ABTB2: variants seen among roughly 807,000 people sequenced by gnomAD.
ABTB2 encodes ankyrin repeat and BTB domain containing 2.
A neutral mutation model predicts 104.1 loss-of-function variants in ABTB2; 56 were observed. The ratio of observed to expected loss-of-function variants is 0.54; its 90% CI spans 0.43 to 0.67. ABTB2 has a LOEUF of 0.67. ABTB2 is among the 30% of genes least tolerant of loss of function. The pLI is 0.00. For synonymous variants in ABTB2, 606 were observed against 608.2 expected, an observed-to-expected ratio of 1.00 and a Z score of 0.05; for missense variants, 1,279 against 1,407.7, an observed-to-expected ratio of 0.91 and a Z score of 1.46.
chr11:34,279,757 A>T (rs11032595), intron 1 of ABTB2, among the ~76,000 whole-genome samples: 1 of 150,098 alleles, frequency 6.7e-6, no homozygotes, highest in East Asian at 1.9e-4. Context: ...GCCAGTGACT[A>T]TTCTAAATGC....
At chr11:34,233,758 T>A (rs1853805764) in intron 1 of ABTB2, among the ~76,000 whole-genome samples, 1 of 152,082 alleles carries the variant, frequency 6.6e-6, no homozygotes, top group Non-Finnish European at 1.5e-5. Context: ...TAACTATTAT[T>A]AATATATTAT....
chr11:34,204,402 G>T, intron 2 of ABTB2, 142 bp downstream of exon 2: 1 of 1,022,792 alleles, frequency 9.8e-7, no homozygotes, highest in Non-Finnish European at 1.4e-6. Flanking sequence ...GAAAGATCTA[G>T]CTTTCAGGGA....
At position 34,160,923 on chromosome 11, in the gene ABTB2, C is replaced by T. The variant is rs756849874; in HGVS notation, c.2377G>A (p.Asp793Asn). 1.1e-5 allele frequency: 18 copies of T among 1,609,806 alleles called. No individual in the cohort carries two copies. Among genetic ancestry groups the T allele is most frequent in the Non-Finnish European group, 1.2e-5 (14 of 1,177,876 alleles). The change falls in exon 11 of 17, where the codon GAC (aspartate) becomes AAC (asparagine). Residue 793 changes from aspartate (D) to asparagine (N), a missense_variant. Asp to Asn is a conservative substitution (Grantham distance 23). Coordinates refer to ENST00000435224, the MANE Select transcript of ABTB2 (RefSeq NM_145804.3). ...CTTACTTTGCTGGTCTTGAGGATGT[C>T]GAACATGAGCTGCAAGCCCTCGGTC... ...LVTEGLQLMFDILKTSKNDSV... is the reference protein window; with the variant it reads ...LVTEGLQLMFNILKTSKNDSV...
At chr11:34,231,463 G>A (rs932102753) in intron 1 of ABTB2, among the ~76,000 whole-genome samples, 10 of 152,188 alleles carry the variant, frequency 6.6e-5, no homozygotes, top group Admixed American at 2.0e-4. Context: ...CCTGAGGGGC[G>A]GGAGTGGGGA....
intron 1 of ABTB2, among the ~76,000 whole-genome samples, chr11:34,320,827 T>A (rs1854992571): frequency 6.6e-6 from 1 of 152,238 alleles, no homozygotes; most frequent in Admixed American, 6.5e-5. Context: ...ATACCATTTG[T>A]ATCTGTCTTT....
intron 1 of ABTB2, chr11:34,335,517 G>T: frequency 9.4e-7 from 1 of 1,064,986 alleles, no homozygotes; most frequent in Non-Finnish European, 1.4e-6. Context: ...TGGAAACAGT[G>T]ATTCAAAATC....
chr11:34,272,650 T>G (rs1164676780), intron 1 of ABTB2, among the ~76,000 whole-genome samples: 2 of 130,410 alleles, frequency 1.5e-5, no homozygotes, highest in Non-Finnish European at 3.0e-5. Context: ...GAGCTTGCAG[T>G]GAGCCAAGAC....
chr11:34,168,121 C>A, intron 5 of ABTB2, 129 bp from the exon 6 acceptor site: 1 of 925,296 alleles, frequency 1.1e-6, no homozygotes. Flanking sequence ...TGTGGTCCCC[C>A]AGGCTCTGTG....
At chr11:34,231,912 T>C (rs1853774624) in intron 1 of ABTB2, among the ~76,000 whole-genome samples, 1 of 152,198 alleles carries the variant, frequency 6.6e-6, no homozygotes, top group African/African-American at 2.4e-5. Flanking sequence ...AAATATCTGA[T>C]CAGCTCTCCT....
chr11:34,312,164 AAAAG>A (rs1854864131), intron 1 of ABTB2, among the ~76,000 whole-genome samples: 1 of 152,012 alleles, frequency 6.6e-6, no homozygotes, highest in African/African-American at 2.4e-5. Context: ...AAGAAAAAGA[AAAAG>A]AAAAAGAGAA....
intron 16 of ABTB2, among the ~76,000 whole-genome samples, chr11:34,153,034 C>G (rs1187413269): frequency 1.3e-5 from 2 of 152,020 alleles, no homozygotes; most frequent in Non-Finnish European, 2.9e-5. Context: ...TTGGGAGAGA[C>G]AGACAGAATC....
At chr11:34,157,766 T>TC (rs1852650319) in intron 14 of ABTB2, among the ~76,000 whole-genome samples, 2 of 152,008 alleles carry the variant, frequency 1.3e-5, no homozygotes, top group Admixed American at 1.3e-4. Flanking sequence ...TTTCCCTCCA[T>TC]CCCCCCAGCC....
intron 1 of ABTB2, among the ~76,000 whole-genome samples, chr11:34,311,532 C>T (rs547259188): frequency 2.6e-5 from 4 of 152,236 alleles, no homozygotes; most frequent in South Asian, 2.1e-4. Flanking sequence ...GAGCGCCTCA[C>T]GTAAATAGAA....
At chr11:34,265,712 T>C (rs1854240575) in intron 1 of ABTB2, among the ~76,000 whole-genome samples, 1 of 143,086 alleles carries the variant, frequency 7.0e-6, no homozygotes, top group Non-Finnish European at 1.5e-5. Flanking sequence ...CTCATGCCTG[T>C]AAACCCAACA....
chr11:34,244,361 T>C (rs1158903119), intron 1 of ABTB2, among the ~76,000 whole-genome samples: 1 of 152,116 alleles, frequency 6.6e-6, no homozygotes, highest in Non-Finnish European at 1.5e-5. Flanking sequence ...GAAAAGCAGA[T>C]CAGCAGCAGT....
chr11:34,224,333 G>A (rs1347362674), intron 1 of ABTB2, among the ~76,000 whole-genome samples: 1 of 151,976 alleles, frequency 6.6e-6, no homozygotes, highest in African/African-American at 2.4e-5. Context: ...TCATAGCAAT[G>A]GGGTCTTGTC....
chr11:34,279,790 T>C (rs112355619), intron 1 of ABTB2, among the ~76,000 whole-genome samples: 119 of 138,544 alleles, frequency 8.6e-4, no homozygotes, highest in African/African-American at 2.8e-3. Context: ...TCTTCTTCTT[T>C]TTTTTTTTTT....
chr11:34,312,110 C>T (rs1271314353), intron 1 of ABTB2, among the ~76,000 whole-genome samples: 1 of 144,378 alleles, frequency 6.9e-6, no homozygotes, highest in South Asian at 2.2e-4. Flanking sequence ...CATTGCACTC[C>T]AGCCTGGGCG....
At chr11:34,168,758 G>C (rs1280290843) in intron 5 of ABTB2, among the ~76,000 whole-genome samples, 1 of 152,232 alleles carries the variant, frequency 6.6e-6, no homozygotes, top group Non-Finnish European at 1.5e-5. Flanking sequence ...GAGCAGTTCA[G>C]AGCATTCCTG....
Sources: gnomAD v4.1 joint callset for allele counts (sites outside exome capture counted in the v4.1 genomes callset) on GRCh38, gnomAD v4.1.1 for gene constraint, MANE v1.5 for transcripts, NCBI Gene and HGNC (gene_info 2026-07-23, HGNC 2026-07-21) for gene names.